TRIM36: variants seen among roughly 807,000 people sequenced by gnomAD.
The protein encoded by TRIM36 is E3 ubiquitin-protein ligase TRIM36.
Under a neutral mutation model 72.4 loss-of-function variants are expected in TRIM36, and 42 were observed. The observed-to-expected ratio is 0.58, with a 90% confidence interval of 0.45 to 0.75. TRIM36 has a LOEUF of 0.75. Ranked by LOEUF, TRIM36 falls within the 30% of genes least tolerant of loss-of-function variation. The pLI is 0.00. For synonymous variants in TRIM36, 315 were observed against 282.8 expected, an observed-to-expected ratio of 1.11 and a Z score of -1.14; for missense variants, 913 against 857.1, an observed-to-expected ratio of 1.07 and a Z score of -0.81.
chr5:115,137,763 A>T (rs1203692803), intron 5 of TRIM36, 147 bp from the exon 6 acceptor site: 4 of 899,110 alleles, frequency 4.4e-6, no homozygotes, highest in Non-Finnish European at 6.3e-6. Context: ...AAACCAACCT[A>T]GATATTATAA....
intron 1 of TRIM36, among the ~76,000 whole-genome samples, chr5:115,165,871 C>G (rs944927467): frequency 1.3e-5 from 2 of 152,142 alleles, no homozygotes; most frequent in Non-Finnish European, 1.5e-5. Flanking sequence ...CCAGTGCCCA[C>G]TCTGACTTTG....
chr5:115,157,279 G>C (rs1391503637), intron 2 of TRIM36, among the ~76,000 whole-genome samples: 1 of 152,072 alleles, frequency 6.6e-6, no homozygotes, highest in East Asian at 1.9e-4. Context: ...ACTAAAAGTA[G>C]AGGCCAGGCA....
At chr5:115,160,054 A>C (rs1754396840) in intron 2 of TRIM36, among the ~76,000 whole-genome samples, 2 of 152,124 alleles carry the variant, frequency 1.3e-5, no homozygotes, top group Non-Finnish European at 2.9e-5. Context: ...GAACATATTC[A>C]GTTTAGACAA....
At chr5:115,163,821 G>A in intron 1 of TRIM36, 69 bp from the exon 2 acceptor site, 1 of 1,142,756 alleles carries the variant, frequency 8.8e-7, no homozygotes, top group Non-Finnish European at 1.3e-6. Flanking sequence ...TATACCTCCT[G>A]AATAAGTACA....
At chr5:115,149,199 C>T (rs899386812) in intron 2 of TRIM36, 1 of 151,944 alleles carries the variant, frequency 6.6e-6, no homozygotes, top group Admixed American at 6.6e-5. Context: ...CAATACAATC[C>T]AAACTCTTTC....
intron 4 of TRIM36, among the ~76,000 whole-genome samples, chr5:115,143,818 T>C (rs190200897): frequency 6.6e-6 from 1 of 152,274 alleles, no homozygotes; most frequent in Admixed American, 6.5e-5. Flanking sequence ...ATTATGAAAT[T>C]TGAAAGTTTT....
At chr5:115,161,397 A>T (rs1443703444) in intron 2 of TRIM36, among the ~76,000 whole-genome samples, 1 of 151,830 alleles carries the variant, frequency 6.6e-6, no homozygotes, top group Non-Finnish European at 1.5e-5. Flanking sequence ...CAGCAGAAAC[A>T]CCCTCCACAA....
chr5:115,171,347 T>C, upstream of TRIM36: 1 of 1,352,390 alleles, frequency 7.4e-7, no homozygotes. Flanking sequence ...ATGCCTGGGC[T>C]GTTCTGATCC....
At chr5:115,175,298 G>T (rs1755283636) in intron 1 of TRIM36, among the ~76,000 whole-genome samples, 1 of 152,192 alleles carries the variant, frequency 6.6e-6, no homozygotes, top group Non-Finnish European at 1.5e-5. Context: ...AAAGCTAGAA[G>T]TAATAGCTTT....
chr5:115,139,686 G>A (rs181488788), intron 5 of TRIM36, among the ~76,000 whole-genome samples: 1 of 152,194 alleles, frequency 6.6e-6, no homozygotes, highest in East Asian at 1.9e-4. Flanking sequence ...AAAAGACAGT[G>A]TCACCATCAT....
In TRIM36 at chr5:115,141,388, T is replaced by C. The variant is rs765759142; in HGVS notation, c.736-14A>G. 5 of 1,561,612 alleles carry C rather than the reference T, an allele frequency of 3.2e-6. No individual in the cohort carries two copies. Among genetic ancestry groups the C allele is most frequent in the East Asian group, 4.6e-5 (2 of 43,722 alleles). ...TGAAAGCTTTTCCTGTTGAAACATATTCGTAACACAAATAGACAAAACGGG... is the reference window on the plus strand; with the variant it reads ...TGAAAGCTTTTCCTGTTGAAACATACTCGTAACACAAATAGACAAAACGGG... On this transcript the variant is annotated splice_polypyrimidine_tract_variant and intron_variant, in intron 4 of 9. Transcript: ENST00000513154.
intron 2 of TRIM36, among the ~76,000 whole-genome samples, chr5:115,159,016 T>A (rs550106530): frequency 1.3e-5 from 2 of 152,344 alleles, no homozygotes; most frequent in South Asian, 4.1e-4. Context: ...CAATGTTATT[T>A]TTAAAGGTCA....
chr5:115,178,426 T>G (rs558566303), intron 1 of TRIM36, among the ~76,000 whole-genome samples: 144 of 152,314 alleles, frequency 9.5e-4, no homozygotes, highest in African/African-American at 3.1e-3. Context: ...CCTCTCGCTC[T>G]TTAGAGGCCG....
At position 115,132,667 on chromosome 5, in the gene TRIM36, T is replaced by C. The variant is rs75512680; in HGVS notation, c.1498+1193A>G. ...CATGATTATTTGTGCTTGCTCTCAA[T>C]CTCAAAAGTCTCCCAGTTTGCAAAA... On this transcript the variant is annotated intron_variant, in intron 8 of 9. Transcript: ENST00000513154. Among the ~76,000 whole-genome samples, 1,407 of 152,030 alleles carry C rather than the reference T, an allele frequency of 9.3e-3. 7 individuals carry two copies. Among genetic ancestry groups the C allele is most frequent in the Middle Eastern group, 0.017 (5 of 292 alleles).
Position 115,147,386 on chromosome 5 carries a change from G to A in TRIM36, c.271C>T (p.Arg91Cys), listed in dbSNP as rs1179665191. The A allele has an allele frequency of 1.1e-5, 18 of 1,608,790 alleles. No individual in the cohort carries two copies. Among genetic ancestry groups the A allele is most frequent in the East Asian group, 2.2e-5 (1 of 44,754 alleles). The stretch of plus-strand genomic sequence containing the variant: ...GTTGTCCTCGGGGTCAATGAATTGC[G>A]CTTCCAGCCTGTGTAATTAGTAAGT... ...IDRINRPGWKRNSLTPRTTVF... is the reference protein window; with the variant it reads ...IDRINRPGWKCNSLTPRTTVF... The change falls in exon 3 of 10, where the codon CGC (arginine) becomes TGC (cysteine). Residue 91 changes from arginine (R) to cysteine (C), a missense_variant. Physicochemically the swap from Arg to Cys is radical, Grantham distance 180. Coordinates refer to ENST00000513154, the MANE Select transcript of TRIM36 (RefSeq NM_001300759.2).
In TRIM36 at chr5:115,167,326, G is replaced by A. The variant is rs576738996; in HGVS notation, c.27+2282C>T. On this transcript the variant is annotated intron_variant, in intron 1 of 9. Coordinates refer to ENST00000513154, the MANE Select transcript of TRIM36 (RefSeq NM_001300759.2). ...GCCAAGATCTCTGACATGTCCTGGA[G>A]ACATTTTACCCATAGTCTTGGCAAT... Among the ~76,000 whole-genome samples the A allele has an allele frequency of 5.9e-5, 9 of 152,320 alleles. No homozygotes were observed. The East Asian group carries it at 1.5e-3, about 26-fold the overall frequency.
chr5:115,150,967 C>G (rs1753859862), intron 2 of TRIM36, among the ~76,000 whole-genome samples: 1 of 152,170 alleles, frequency 6.6e-6, no homozygotes, highest in Admixed American at 6.5e-5. Context: ...TGGGAAAAGG[C>G]CACAGGGAGA....
intron 1 of TRIM36, among the ~76,000 whole-genome samples, chr5:115,164,206 G>A (rs1754638119): frequency 6.6e-6 from 1 of 152,154 alleles, no homozygotes. Context: ...CACTAGCTGA[G>A]TCAGTATGTT....
intron 1 of TRIM36, among the ~76,000 whole-genome samples, chr5:115,164,672 A>G (rs538997047): frequency 7.9e-5 from 12 of 152,350 alleles, no homozygotes; most frequent in African/African-American, 2.4e-4. Flanking sequence ...ACAATTCAAG[A>G]TAAGATTTGA....
Sources: allele counts gnomAD v4.1 joint callset (sites outside exome capture counted in the v4.1 genomes callset), GRCh38; gene constraint gnomAD v4.1.1; transcripts MANE v1.5; gene names NCBI Gene and HGNC (gene_info 2026-07-23, HGNC 2026-07-21).